CDH12: variants seen among roughly 807,000 people sequenced by gnomAD.
CDH12 encodes the protein cadherin 12.
CDH12 carries 41 observed loss-of-function variants against 74.1 expected under a neutral mutation model. The ratio of observed to expected loss-of-function variants is 0.55; its 90% CI spans 0.43 to 0.72. The LOEUF (loss-of-function observed/expected upper bound fraction) is 0.72. Ranked by LOEUF, CDH12 falls within the 30% of genes least tolerant of loss-of-function variation. The probability of loss-of-function intolerance (pLI) is 0.00; values close to 1 mark genes in which losing one functional copy is unlikely to be tolerated. For synonymous variants in CDH12, 399 were observed against 355.0 expected, an observed-to-expected ratio of 1.12 and a Z score of -1.39; for missense variants, 945 against 977.2, an observed-to-expected ratio of 0.97 and a Z score of 0.44.
At chr5:21,913,913 G>C (rs996211445) in intron 6 of CDH12, among the ~76,000 whole-genome samples, 5 of 151,898 alleles carry the variant, frequency 3.3e-5, no homozygotes, top group Non-Finnish European at 5.9e-5. Flanking sequence ...CAAACTCCTG[G>C]GCCCAAGTGA....
At chr5:22,072,184 A>T (rs1254900263) in intron 5 of CDH12, among the ~76,000 whole-genome samples, 1 of 152,036 alleles carries the variant, frequency 6.6e-6, no homozygotes, top group Non-Finnish European at 1.5e-5. Flanking sequence ...CATTAATATT[A>T]ATCCTCAAAC....
chr5:22,046,669 A>G (rs1739981315), intron 5 of CDH12, among the ~76,000 whole-genome samples: 1 of 152,154 alleles, frequency 6.6e-6, no homozygotes, highest in Non-Finnish European at 1.5e-5. Context: ...ATACAGTGAC[A>G]CATGGTTGAA....
chr5:22,140,672 G>A (rs1721069588), intron 4 of CDH12, among the ~76,000 whole-genome samples: 1 of 152,074 alleles, frequency 6.6e-6, no homozygotes, highest in Admixed American at 6.6e-5. Context: ...GCCATTACAT[G>A]ACTAAGTTCT....
chr5:22,502,852 T>C (rs1261677574), intron 2 of CDH12, among the ~76,000 whole-genome samples: 1 of 152,192 alleles, frequency 6.6e-6, no homozygotes, highest in Non-Finnish European at 1.5e-5. Context: ...TATTCCCATA[T>C]TTGACACACA....
In CDH12 at chr5:21,917,491, T is replaced by C. The variant is rs535122842; in HGVS notation, c.526+57600A>G. 3.9e-5 allele frequency among the ~76,000 whole-genome samples: 6 copies of C among 152,354 alleles called. No homozygotes were observed. In the South Asian group the frequency reaches 1.2e-3, roughly 32 times the overall value. On this transcript the variant is annotated intron_variant, in intron 6 of 14. Transcript: ENST00000382254. ...ATTTCAAGATGTTTCTGTTACATTC[T>C]TAGCTCCTCAGGGAGTTTTCATTCA...
intron 1 of CDH12, among the ~76,000 whole-genome samples, chr5:22,840,864 G>A (rs575227341): frequency 1.3e-5 from 2 of 152,270 alleles, no homozygotes. Context: ...GTAGGTGGCT[G>A]GTAATCAGTA....
intron 6 of CDH12, among the ~76,000 whole-genome samples, chr5:21,890,794 A>G (rs1752862187): frequency 6.6e-6 from 1 of 152,106 alleles, no homozygotes; most frequent in South Asian, 2.1e-4. Context: ...AAGGACACTA[A>G]AAAAGTGAGG....
At chr5:21,952,123 C>A (rs1297471664) in intron 6 of CDH12, among the ~76,000 whole-genome samples, 1 of 152,096 alleles carries the variant, frequency 6.6e-6, no homozygotes, top group Admixed American at 6.5e-5. Flanking sequence ...ACTAATAGTT[C>A]CAGAGTTCTT....
chr5:22,209,816 A>G (rs141697906), intron 4 of CDH12, among the ~76,000 whole-genome samples: 2,582 of 152,268 alleles, frequency 0.017, 27 homozygotes, highest in African/African-American at 0.021. Flanking sequence ...AAATAGTCTT[A>G]CAATATTCAT....
At chr5:22,111,926 AT>A (rs1431463774) in intron 4 of CDH12, among the ~76,000 whole-genome samples, 1 of 152,150 alleles carries the variant, frequency 6.6e-6, no homozygotes, top group Non-Finnish European at 1.5e-5. Context: ...CTGTTCTAGA[AT>A]TCATAGTAAA....
chr5:22,073,961 T>G (rs1429019580), intron 5 of CDH12, among the ~76,000 whole-genome samples: 1 of 152,140 alleles, frequency 6.6e-6, no homozygotes, highest in Non-Finnish European at 1.5e-5. Flanking sequence ...GAAAGTCATA[T>G]TCGAGGCTAA....
chr5:22,850,888 A>C (rs890543942), intron 1 of CDH12, among the ~76,000 whole-genome samples: 2 of 152,134 alleles, frequency 1.3e-5, no homozygotes, highest in Non-Finnish European at 2.9e-5. Flanking sequence ...GATGTTCATC[A>C]CAATGCATTT....
intron 3 of CDH12, among the ~76,000 whole-genome samples, chr5:22,260,746 C>G (rs1753474676): frequency 6.6e-6 from 1 of 151,966 alleles, no homozygotes. Flanking sequence ...TCAATTAGAT[C>G]AGTGCCTTAA....
chr5:22,117,728 C>G (rs1745258524), intron 4 of CDH12, among the ~76,000 whole-genome samples: 1 of 149,780 alleles, frequency 6.7e-6, no homozygotes, highest in African/African-American at 2.5e-5. Flanking sequence ...GACAAAAATT[C>G]TGATTTAATG....
At chr5:22,765,835 C>T (rs1444357755) in intron 1 of CDH12, among the ~76,000 whole-genome samples, 2 of 151,478 alleles carry the variant, frequency 1.3e-5, no homozygotes, top group South Asian at 2.1e-4. Context: ...ATACACAGAT[C>T]ACAAAACATT....
chr5:22,390,577 GATAGATAGATAGAT>G (rs1277718545), intron 3 of CDH12, among the ~76,000 whole-genome samples: 2 of 38,876 alleles, frequency 5.1e-5, no homozygotes, highest in East Asian at 1.2e-3. Context: ...TGGATGGAGA[GATAGATAGATAGAT>G]AGATAGATAG....
At chr5:22,107,497 T>TATAATTATTATATGTATATATACACAC (rs1176490310) in intron 4 of CDH12, among the ~76,000 whole-genome samples, 11 of 150,570 alleles carry the variant, frequency 7.3e-5, no homozygotes, top group African/African-American at 2.4e-4. Context: ...TATATACACA[T>TATAATTATTATATGTATATATACACAC]ATAATAATTA....
At chr5:22,527,769 C>A (rs2126696779) in intron 1 of CDH12, among the ~76,000 whole-genome samples, 1 of 152,274 alleles carries the variant, frequency 6.6e-6, no homozygotes, top group African/African-American at 2.4e-5. Context: ...GAATCTCGTT[C>A]TCCACATTGA....
intron 3 of CDH12, among the ~76,000 whole-genome samples, chr5:22,281,963 G>T (rs76606135): frequency 6.6e-6 from 1 of 152,038 alleles, no homozygotes; most frequent in African/African-American, 2.4e-5. Flanking sequence ...CATGCTACCT[G>T]ACTTCAAACT....
Sources: allele counts gnomAD v4.1 joint callset (sites outside exome capture counted in the v4.1 genomes callset), GRCh38; gene constraint gnomAD v4.1.1; transcripts MANE v1.5; gene names NCBI Gene and HGNC (gene_info 2026-07-23, HGNC 2026-07-21).